Variants in PTPRN2 observed in about 807,000 individuals in gnomAD.
The protein encoded by PTPRN2 is receptor-type tyrosine-protein phosphatase N2.
Under a neutral mutation model 118.8 loss-of-function variants are expected in PTPRN2, and 74 were observed. The ratio of observed to expected loss-of-function variants is 0.62; its 90% CI spans 0.52 to 0.76. The LOEUF (loss-of-function observed/expected upper bound fraction) is 0.76. PTPRN2 is among the 30% of genes least tolerant of loss of function. The pLI is 0.00. For missense variants in PTPRN2, 1,481 were observed against 1,394.4 expected (o/e 1.06, Z -0.99); for synonymous variants, 641 against 608.0 (o/e 1.05, Z -0.80).
chr7:158,122,066 G>A (rs565322053), intron 9 of PTPRN2, among the ~76,000 whole-genome samples: 1 of 152,328 alleles, frequency 6.6e-6, no homozygotes. Flanking sequence ...CAGGTGCGAC[G>A]TGCTGTGTCT....
chr7:158,271,346 G>A (rs144355343), intron 3 of PTPRN2, among the ~76,000 whole-genome samples: 33 of 152,250 alleles, frequency 2.2e-4, no homozygotes, highest in East Asian at 3.9e-4. Flanking sequence ...TCCGACAATC[G>A]GCAGATCCAT....
intron 3 of PTPRN2, among the ~76,000 whole-genome samples, chr7:158,212,160 C>T (rs553757516): frequency 1.4e-4 from 22 of 151,870 alleles, no homozygotes; most frequent in African/African-American, 5.1e-4. Context: ...GGAACTAAAA[C>T]TTAAAACAAC....
At chr7:158,472,241 T>A (rs1391941652) in intron 2 of PTPRN2, among the ~76,000 whole-genome samples, 1 of 152,074 alleles carries the variant, frequency 6.6e-6, no homozygotes, top group Non-Finnish European at 1.5e-5. Context: ...CACCATAAAT[T>A]CCGTGGGCCT....
In PTPRN2 at chr7:158,229,949, CA is replaced by C. The variant is rs147603307; in HGVS notation, c.278-24677del. Among the ~76,000 whole-genome samples, 1,080 of 151,176 alleles carry C rather than the reference CA, an allele frequency of 7.1e-3. 18 individuals are homozygous for C. The highest frequency in any genetic ancestry group is 0.025 in the African/African-American group (1,029 of 41,470). ...AGACTACTGTAAGGCATATAATAATCAAACTCTCAAAAGTCAAGGACAAAGA... is the reference window on the plus strand; with the variant it reads ...AGACTACTGTAAGGCATATAATAATCAACTCTCAAAAGTCAAGGACAAAGA... On this transcript the variant is annotated intron_variant, in intron 3 of 22. Coordinates refer to ENST00000389418, the MANE Select transcript of PTPRN2 (RefSeq NM_002847.5).
intron 3 of PTPRN2, among the ~76,000 whole-genome samples, chr7:158,233,511 A>G (rs73176123): frequency 0.16 from 24,573 of 152,214 alleles, 2,318 homozygotes; most frequent in Non-Finnish European, 0.22. Context: ...TGACAGATTC[A>G]ATGCAGTCCC....
intron 2 of PTPRN2, among the ~76,000 whole-genome samples, chr7:158,343,737 T>C (rs868366325): frequency 3.1e-3 from 427 of 137,984 alleles, no homozygotes; most frequent in African/African-American, 0.012. Flanking sequence ...TCGCGGCTGC[T>C]CCCGGTGGAA....
intron 12 of PTPRN2, among the ~76,000 whole-genome samples, chr7:157,692,492 G>T (rs1164974610): frequency 1.3e-5 from 2 of 152,204 alleles, no homozygotes; most frequent in Non-Finnish European, 2.9e-5. Flanking sequence ...ATATGAGTAC[G>T]GTGCCGTCCG....
At chr7:157,946,286 T>TA (rs112205197) in intron 11 of PTPRN2, among the ~76,000 whole-genome samples, 8,455 of 141,798 alleles carry the variant, frequency 0.06, 297 homozygotes, top group Non-Finnish European at 0.084. Flanking sequence ...GAGAAGACAC[T>TA]AAAAAAAAAA....
chr7:158,524,413 C>T (rs34480928), intron 1 of PTPRN2, among the ~76,000 whole-genome samples: 65 of 89,412 alleles, frequency 7.3e-4, no homozygotes, highest in East Asian at 1.5e-3. Context: ...TGCCCTGGAG[C>T]GGAGTCTGCC....
chr7:157,963,028 G>A (rs532851729), intron 11 of PTPRN2, among the ~76,000 whole-genome samples: 53 of 152,312 alleles, frequency 3.5e-4, no homozygotes, highest in East Asian at 7.7e-4. Context: ...AGGCCACCTC[G>A]CAAGGCAGCA....
chr7:158,141,614 G>C (rs1433845936), intron 6 of PTPRN2, among the ~76,000 whole-genome samples: 4 of 152,182 alleles, frequency 2.6e-5, no homozygotes, highest in African/African-American at 9.6e-5. Context: ...CTACACGGCT[G>C]TAAGGACACA....
chr7:157,941,028 CCA>C (rs1323263606), intron 11 of PTPRN2, among the ~76,000 whole-genome samples: 9 of 90,826 alleles, frequency 9.9e-5, no homozygotes, highest in Non-Finnish European at 9.9e-5. Context: ...AACACCCTCC[CCA>C]CCACGACACT....
chr7:158,460,619 A>T (rs1460854763), intron 2 of PTPRN2, among the ~76,000 whole-genome samples: 1 of 152,252 alleles, frequency 6.6e-6, no homozygotes, highest in Admixed American at 6.5e-5. Flanking sequence ...GTGTGCCGTC[A>T]GCACAGGAGG....
intron 12 of PTPRN2, among the ~76,000 whole-genome samples, chr7:157,768,985 G>A (rs913697036): frequency 2.0e-5 from 3 of 152,186 alleles, no homozygotes; most frequent in Non-Finnish European, 2.9e-5. Context: ...TCACCGCTGT[G>A]TGCTGACGCT....
chr7:157,917,529 G>C (rs1798478288), intron 11 of PTPRN2, among the ~76,000 whole-genome samples: 1 of 152,186 alleles, frequency 6.6e-6, no homozygotes, highest in Non-Finnish European at 1.5e-5. Context: ...ATAGCGGCAG[G>C]CTGGGAAAAG....
chr7:158,150,159 C>G (rs1820821228), intron 6 of PTPRN2, among the ~76,000 whole-genome samples: 1 of 152,224 alleles, frequency 6.6e-6, no homozygotes, highest in Admixed American at 6.5e-5. Context: ...TCCCTGCAGG[C>G]TCCTGTTGCC....
chr7:157,679,949 C>T (rs913752786), intron 13 of PTPRN2, among the ~76,000 whole-genome samples: 2 of 152,214 alleles, frequency 1.3e-5, no homozygotes, highest in Non-Finnish European at 2.9e-5. Flanking sequence ...GATACCACCT[C>T]CACGCACCCG....
At chr7:157,916,846 C>T (rs1362184561) in intron 11 of PTPRN2, among the ~76,000 whole-genome samples, 3 of 139,754 alleles carry the variant, frequency 2.1e-5, no homozygotes, top group African/African-American at 8.4e-5. Flanking sequence ...ACCCCGGCCA[C>T]TCCAGGACAC....
In PTPRN2 at chr7:157,539,720, T is replaced by C. The variant is rs1181621702; in HGVS notation, c.*994A>G. 2.6e-5 allele frequency: 4 copies of C among 152,278 alleles called. No homozygotes were observed. In the East Asian group the frequency reaches 7.7e-4, roughly 29 times the overall value. 9.4% of individuals were successfully genotyped at this position (152,278 alleles called of 1,614,324 possible). ...CTGATCTCCTCTCCCGGGAGGGAAA[T>C]GCTCGCAGCCCTCTCCGAGTTGCCC... On this transcript the variant is annotated 3_prime_UTR_variant, in exon 23 of 23. Coordinates refer to ENST00000389418, the MANE Select transcript of PTPRN2 (RefSeq NM_002847.5).
Sources: gnomAD v4.1 joint callset for allele counts (sites outside exome capture counted in the v4.1 genomes callset) on GRCh38, gnomAD v4.1.1 for gene constraint, MANE v1.5 for transcripts, NCBI Gene and HGNC (gene_info 2026-07-23, HGNC 2026-07-21) for gene names.